Variants in MAN1C1 observed in about 807,000 individuals in gnomAD.
MAN1C1 encodes mannosidase alpha class 1C member 1, also known as mannosyl-oligosaccharide 1,2-alpha-mannosidase IC.
In MAN1C1, 49 loss-of-function variants were observed where a neutral mutation model predicts 71.5. The ratio of observed to expected loss-of-function variants is 0.69; its 90% CI spans 0.54 to 0.87. The LOEUF (loss-of-function observed/expected upper bound fraction) is 0.87. Among genes scored for constraint, MAN1C1 ranks in the 40% least tolerant of loss-of-function variants. The pLI, the probability that MAN1C1 is intolerant of heterozygous loss-of-function variation, is 0.00. For missense variants in MAN1C1, 743 were observed against 835.0 expected (o/e 0.89, Z 1.36); for synonymous variants, 352 against 343.7 (o/e 1.02, Z -0.27).
intron 2 of MAN1C1, among the ~76,000 whole-genome samples, chr1:25,742,126 A>AC (rs2047070880): frequency 6.6e-6 from 1 of 152,208 alleles, no homozygotes; most frequent in African/African-American, 2.4e-5. Context: ...TGGGAGGTAG[A>AC]CCTTGAAGAA....
intron 1 of MAN1C1, among the ~76,000 whole-genome samples, chr1:25,656,387 T>C (rs1180785734): frequency 6.6e-6 from 1 of 152,106 alleles, no homozygotes; most frequent in Non-Finnish European, 1.5e-5. Context: ...CATCAGTCAC[T>C]GCGCCGGGCC....
chr1:25,783,547 C>G (rs892971689), intron 11 of MAN1C1, 116 bp from the exon 12 acceptor site: 2 of 1,228,494 alleles, frequency 1.6e-6, no homozygotes, highest in African/African-American at 3.0e-5. Context: ...TTGCAAGGCT[C>G]CAGACCTTGA....
At chr1:25,756,647 C>T (rs902250258) in intron 5 of MAN1C1, among the ~76,000 whole-genome samples, 3 of 152,142 alleles carry the variant, frequency 2.0e-5, no homozygotes, top group Admixed American at 6.5e-5. Flanking sequence ...GGTGGCACCT[C>T]TCTCTTTCCC....
rs114243015 is a variant in MAN1C1, at chr1:25,735,235, T to C, written c.638-11433T>C. On this transcript the variant is annotated intron_variant, in intron 2 of 11. Coordinates refer to ENST00000374332, the MANE Select transcript of MAN1C1 (RefSeq NM_020379.4). This position sits in a 1 kb window ranked among gnomAD's most constrained non-coding sequence, Gnocchi z 4.6. ...GAGTTTGAGACAAGCCTGGCCAACA[T>C]GGCGAATCCCCACCTCTGCCAAAAA... 0.014 allele frequency among the ~76,000 whole-genome samples: 2,190 copies of C among 152,244 alleles called. 38 individuals are homozygous for C. The highest frequency in any genetic ancestry group is 0.021 in the Non-Finnish European group (1,422 of 68,008).
rs1305413175 is a variant in MAN1C1, at chr1:25,784,018, A to C, written c.*229A>C. 2.2e-6 allele frequency: 1 copy of C among 464,768 alleles called. No individual in the cohort carries two copies. Among genetic ancestry groups the C allele is most frequent in the Non-Finnish European group, 3.7e-6 (1 of 268,730 alleles). The allele number at this position is 464,768 out of a possible 1,614,324, so 28.8% of individuals were successfully genotyped here. ...GGCCCACACATTCCTTTCTACAGAG[A>C]ATTTCTATGAAGCCCACTCACTTGC... is the stretch of plus-strand genomic sequence containing the variant. On this transcript the variant is annotated 3_prime_UTR_variant, in exon 12 of 12. Coordinates refer to ENST00000374332, the MANE Select transcript of MAN1C1 (RefSeq NM_020379.4).
intron 1 of MAN1C1, among the ~76,000 whole-genome samples, chr1:25,636,533 C>G (rs2124757138): frequency 6.6e-6 from 1 of 152,170 alleles, no homozygotes; most frequent in East Asian, 1.9e-4. Context: ...TTTGCCCAAC[C>G]CTGCAGGCAG....
chr1:25,710,444 G>T (rs1404381476), intron 2 of MAN1C1, among the ~76,000 whole-genome samples: 1 of 152,226 alleles, frequency 6.6e-6, no homozygotes, highest in Non-Finnish European at 1.5e-5. Flanking sequence ...TAAGAAAGCT[G>T]TGTCAGAACA....
intron 10 of MAN1C1, among the ~76,000 whole-genome samples, chr1:25,781,697 C>G (rs1311793607): frequency 6.6e-6 from 1 of 152,066 alleles, no homozygotes; most frequent in Non-Finnish European, 1.5e-5. Flanking sequence ...CCCCTATCTC[C>G]CCCACCACCC....
At chr1:25,696,847 A>C (rs769713850) in intron 2 of MAN1C1, among the ~76,000 whole-genome samples, 7 of 152,006 alleles carry the variant, frequency 4.6e-5, no homozygotes. Context: ...AGGTCTTGCT[A>C]TGTTACCCAG....
intron 2 of MAN1C1, among the ~76,000 whole-genome samples, chr1:25,717,600 AG>A (rs1249903516): frequency 8.0e-6 from 1 of 124,976 alleles, no homozygotes. Flanking sequence ...TTTGAGATGG[AG>A]TTTCTCTCTT....
At chr1:25,767,328 C>CACA (rs2047444386) in intron 7 of MAN1C1, among the ~76,000 whole-genome samples, 1 of 140,712 alleles carries the variant, frequency 7.1e-6, no homozygotes. Flanking sequence ...CCCTCACACA[C>CACA]TCCCCCCACA....
At chr1:25,754,937 G>C (rs2124357921) in intron 5 of MAN1C1, among the ~76,000 whole-genome samples, 1 of 152,334 alleles carries the variant, frequency 6.6e-6, no homozygotes, top group African/African-American at 2.4e-5. Context: ...TGGTAAGAAA[G>C]TCTGTTGCTA....
In MAN1C1 at chr1:25,681,347, C is replaced by A. The variant is rs538250554; in HGVS notation, c.541-5093C>A. 4.3e-4 allele frequency among the ~76,000 whole-genome samples: 66 copies of A among 152,280 alleles called. No homozygotes were observed. In the South Asian group the frequency reaches 7.9e-3, roughly 18 times the overall value. ...AACCAGGTGCAGGCTTCCAAGAGTTCTCTCCCAGTGAAGATGTGTAAGGTG... is the reference window on the plus strand; with the variant it reads ...AACCAGGTGCAGGCTTCCAAGAGTTATCTCCCAGTGAAGATGTGTAAGGTG... On this transcript the variant is annotated intron_variant, in intron 1 of 11. Coordinates refer to ENST00000374332, the MANE Select transcript of MAN1C1 (RefSeq NM_020379.4).
At chr1:25,687,614 G>A (rs952187970) in intron 2 of MAN1C1, among the ~76,000 whole-genome samples, 8 of 152,158 alleles carry the variant, frequency 5.3e-5, no homozygotes, top group Non-Finnish European at 4.4e-5. Flanking sequence ...CACCCCCATC[G>A]TGTGCAGCCC....
rs2047714978 is a variant in MAN1C1, at chr1:25,782,807, C to T, written c.1766+107C>T. On this transcript the variant is annotated intron_variant, in intron 11 of 11. Transcript: ENST00000374332. The surrounding 1 kb of genome is among the most constrained non-coding windows in gnomAD (Gnocchi z 4.4). ...GGTTCTGTGGTCACAGGACGGGAGC[C>T]CAAAAGGGGTGAAGGGCTTGGGATC... is the stretch of plus-strand genomic sequence containing the variant. The T allele has an allele frequency of 2.4e-6, 2 of 838,770 alleles. No individual in the cohort carries two copies. Among genetic ancestry groups the T allele is most frequent in the Admixed American group, 4.3e-5 (2 of 46,246 alleles). 52.0% of individuals were successfully genotyped at this position (838,770 alleles called of 1,614,324 possible).
In MAN1C1 at chr1:25,769,158, CCA is replaced by C. The variant is rs754680985; in HGVS notation, c.1142-2489_1142-2488del. 1.0e-4 allele frequency among the ~76,000 whole-genome samples: 15 copies of C among 149,806 alleles called. No homozygotes were observed. Among genetic ancestry groups the C allele is most frequent in the South Asian group, 2.1e-4 (1 of 4,668 alleles). ...ACACTACACACTCCCCTCACACATTCCACACACACACCCCACACATTACACAC... is the reference window on the plus strand; with the variant it reads ...ACACTACACACTCCCCTCACACATTCCACACACACCCCACACATTACACAC... On this transcript the variant is annotated intron_variant, in intron 7 of 11. Transcript: ENST00000374332. This position sits in a 1 kb window ranked among gnomAD's most constrained non-coding sequence, Gnocchi z 4.8.
At chr1:25,665,281 T>C (rs890446357) in intron 1 of MAN1C1, among the ~76,000 whole-genome samples, 13 of 152,222 alleles carry the variant, frequency 8.5e-5, no homozygotes, top group African/African-American at 3.1e-4. Context: ...GTCTCTGTAG[T>C]TACGGGCTGT....
Position 25,668,547 on chromosome 1 carries a change from TTTTC to T in MAN1C1, c.541-17881_541-17878del, listed in dbSNP as rs71014380. Reference sequence around the variant, plus strand: ...CTGGGTTTGAATCCAAGCCTTCTACTTTTCTTTCTTTCTTTTTTTTTTTTTTGAG... The same window carrying T: ...CTGGGTTTGAATCCAAGCCTTCTACTTTTCTTTCTTTTTTTTTTTTTTGAG... On this transcript the variant is annotated intron_variant, in intron 1 of 11. Transcript: ENST00000374332. Among the ~76,000 whole-genome samples the T allele has an allele frequency of 7.3e-4, 107 of 146,352 alleles. 1 individual carries two copies. In the South Asian group the frequency reaches 0.022, roughly 30 times the overall value.
chr1:25,772,753 C>T (rs149184991), intron 8 of MAN1C1, among the ~76,000 whole-genome samples: 2,653 of 152,314 alleles, frequency 0.017, 29 homozygotes, highest in Middle Eastern at 0.034. Context: ...CAACTCCTCT[C>T]CTTTACCCAT....
Sources: allele counts gnomAD v4.1 joint callset (sites outside exome capture counted in the v4.1 genomes callset), GRCh38; gene constraint gnomAD v4.1.1; non-coding constraint Gnocchi (gnomAD v3.1); transcripts MANE v1.5; gene names NCBI Gene and HGNC (gene_info 2026-07-23, HGNC 2026-07-21).